LSAMP: variants seen among roughly 807,000 people sequenced by gnomAD.
LSAMP encodes limbic system associated membrane protein.
LSAMP carries 7 observed loss-of-function variants against 38.6 expected under a neutral mutation model. The observed-to-expected ratio is 0.18, with a 90% CI of 0.10 to 0.34. LSAMP has a LOEUF of 0.34. Among genes scored for constraint, LSAMP ranks in the 10% least tolerant of loss-of-function variants. LSAMP has a pLI of 1.00. For missense variants in LSAMP, 313 were observed against 420.0 expected (o/e 0.75, Z 2.23); for synonymous variants, 154 against 166.8 (o/e 0.92, Z 0.59).
intron 3 of LSAMP, among the ~76,000 whole-genome samples, chr3:115,937,077 G>A (rs1030569016): frequency 6.6e-5 from 10 of 152,018 alleles, no homozygotes; most frequent in East Asian, 1.9e-4. Flanking sequence ...ATGTTGCATC[G>A]CAAGGTCCTA....
At chr3:116,017,211 G>A (rs1262316598) in intron 3 of LSAMP, among the ~76,000 whole-genome samples, 1 of 151,956 alleles carries the variant, frequency 6.6e-6, no homozygotes, top group Non-Finnish European at 1.5e-5. Flanking sequence ...TAAATTCAAG[G>A]GATAAAAAGG....
At chr3:116,292,880 T>A (rs1302717804) in intron 1 of LSAMP, among the ~76,000 whole-genome samples, 1 of 152,212 alleles carries the variant, frequency 6.6e-6, no homozygotes, top group Non-Finnish European at 1.5e-5. Flanking sequence ...AATATGAATG[T>A]GCAATAAACC....
chr3:116,384,834 A>T (rs545132089), intron 1 of LSAMP, among the ~76,000 whole-genome samples: 1 of 152,256 alleles, frequency 6.6e-6, no homozygotes, highest in East Asian at 1.9e-4. Flanking sequence ...ATAAGTAATT[A>T]TGTTTTTCTA....
intron 1 of LSAMP, among the ~76,000 whole-genome samples, chr3:116,168,355 T>A (rs1710111790): frequency 6.6e-6 from 1 of 152,200 alleles, no homozygotes; most frequent in Non-Finnish European, 1.5e-5. Flanking sequence ...AACATTCATT[T>A]ACATTTGAAA....
intron 1 of LSAMP, among the ~76,000 whole-genome samples, chr3:116,205,911 G>A (rs1171396244): frequency 1.4e-5 from 2 of 141,534 alleles, no homozygotes; most frequent in Non-Finnish European, 3.1e-5. Flanking sequence ...AATGATGCTG[G>A]CCTCATAAAA....
At chr3:116,356,943 G>A (rs573608882) in intron 1 of LSAMP, among the ~76,000 whole-genome samples, 6 of 152,134 alleles carry the variant, frequency 3.9e-5, no homozygotes, top group Non-Finnish European at 7.4e-5. Flanking sequence ...ACAGGCGCCC[G>A]CCACCACGCC....
chr3:116,090,932 G>T (rs1182582611), intron 1 of LSAMP, among the ~76,000 whole-genome samples: 1 of 152,210 alleles, frequency 6.6e-6, no homozygotes, highest in East Asian at 1.9e-4. Flanking sequence ...GGGCACCATT[G>T]TCATTGATAA....
intron 3 of LSAMP, among the ~76,000 whole-genome samples, chr3:115,924,171 G>T (rs1937446902): frequency 1.3e-5 from 2 of 151,982 alleles, no homozygotes; most frequent in South Asian, 4.2e-4. Context: ...TGGACTTTTT[G>T]ACTTTAACTA....
chr3:116,438,364 T>C (rs531649009), intron 1 of LSAMP, among the ~76,000 whole-genome samples: 3 of 152,308 alleles, frequency 2.0e-5, no homozygotes, highest in East Asian at 3.9e-4. Flanking sequence ...AAATAGCTTG[T>C]GTAGTAGGCA....
At chr3:116,159,693 A>G (rs919774249) in intron 1 of LSAMP, among the ~76,000 whole-genome samples, 4 of 152,160 alleles carry the variant, frequency 2.6e-5, no homozygotes, top group African/African-American at 9.7e-5. Flanking sequence ...CAGTTTGGTG[A>G]TTTTTCAAAT....
intron 3 of LSAMP, among the ~76,000 whole-genome samples, chr3:115,954,818 C>G (rs1337938340): frequency 6.6e-6 from 1 of 152,188 alleles, no homozygotes; most frequent in African/African-American, 2.4e-5. Context: ...GCACCTGATC[C>G]TGTTCCAGAT....
intron 1 of LSAMP, among the ~76,000 whole-genome samples, chr3:116,439,375 C>T (rs572699441): frequency 4.2e-4 from 62 of 148,634 alleles, no homozygotes; most frequent in African/African-American, 1.5e-3. Context: ...GTGGATCACA[C>T]TTGTAGTATC....
chr3:115,902,792 A>G (rs1470792196), intron 3 of LSAMP, among the ~76,000 whole-genome samples: 1 of 152,200 alleles, frequency 6.6e-6, no homozygotes, highest in African/African-American at 2.4e-5. Context: ...CCACAATGAG[A>G]TACCACTTCA....
At chr3:116,427,115 T>TC (rs2049208327) in intron 1 of LSAMP, among the ~76,000 whole-genome samples, 1 of 140,002 alleles carries the variant, frequency 7.1e-6, no homozygotes, top group Non-Finnish European at 1.5e-5. Context: ...CTTTCTTTTT[T>TC]TTTTTTTTTT....
chr3:116,442,543 G>A (rs771787011), intron 1 of LSAMP, among the ~76,000 whole-genome samples: 4 of 151,994 alleles, frequency 2.6e-5, no homozygotes, highest in East Asian at 3.9e-4. Flanking sequence ...AAAGCTTACC[G>A]GTTTTAAAGA....
chr3:116,354,664 G>A (rs572499907), intron 1 of LSAMP, among the ~76,000 whole-genome samples: 1 of 152,256 alleles, frequency 6.6e-6, no homozygotes, highest in South Asian at 2.1e-4. Context: ...CTTATAATCT[G>A]CCAGAGGAAA....
intron 3 of LSAMP, among the ~76,000 whole-genome samples, chr3:116,011,959 C>T (rs74371831): frequency 0.036 from 5,505 of 152,148 alleles, 266 homozygotes; most frequent in African/African-American, 0.11. Context: ...TGTCATCTCA[C>T]GAGGGATATT....
intron 3 of LSAMP, among the ~76,000 whole-genome samples, chr3:115,893,666 A>G (rs1936658419): frequency 1.3e-5 from 2 of 152,022 alleles, no homozygotes; most frequent in African/African-American, 4.8e-5. Flanking sequence ...TGAAGAAGCA[A>G]TCAAAAATGT....
intron 3 of LSAMP, among the ~76,000 whole-genome samples, chr3:115,931,761 G>A (rs1424814317): frequency 2.0e-5 from 3 of 152,146 alleles, no homozygotes; most frequent in Non-Finnish European, 4.4e-5. Context: ...CTTATTAACA[G>A]TAATCCCATG....
Sources: gnomAD v4.1 joint callset for allele counts (sites outside exome capture counted in the v4.1 genomes callset) on GRCh38, gnomAD v4.1.1 for gene constraint, MANE v1.5 for transcripts, NCBI Gene and HGNC (gene_info 2026-07-23, HGNC 2026-07-21) for gene names.